PACRG: variants seen among roughly 807,000 people sequenced by gnomAD.
PACRG encodes parkin coregulated gene protein.
In PACRG, 29 loss-of-function variants were observed where a neutral mutation model predicts 29.7. The ratio of observed to expected loss-of-function variants is 0.98; its 90% confidence interval spans 0.73 to 1.33. PACRG has a LOEUF of 1.33. Ranked by LOEUF, PACRG falls within the 40% of genes most tolerant of loss-of-function variation. PACRG has a pLI of 0.00. For synonymous variants in PACRG, 116 were observed against 118.7 expected, an observed-to-expected ratio of 0.98 and a Z score of 0.15; for missense variants, 279 against 316.2, an observed-to-expected ratio of 0.88 and a Z score of 0.89.
chr6:162,751,052 G>A (rs1172188043), intron 1 of PACRG, among the ~76,000 whole-genome samples: 2 of 152,138 alleles, frequency 1.3e-5, no homozygotes, highest in Non-Finnish European at 2.9e-5. Flanking sequence ...ATAAGGAAGA[G>A]TCCTTCTCCT....
chr6:163,298,986 G>C (rs570894671), intron 4 of PACRG, among the ~76,000 whole-genome samples: 17 of 152,194 alleles, frequency 1.1e-4, no homozygotes, highest in Non-Finnish European at 2.4e-4. Context: ...TCACCTTTCC[G>C]TTCCTTGCCA....
At chr6:162,809,017 T>G (rs1005423378) in intron 1 of PACRG, among the ~76,000 whole-genome samples, 4 of 152,210 alleles carry the variant, frequency 2.6e-5, no homozygotes, top group Non-Finnish European at 5.9e-5. Context: ...ATATTTCGCT[T>G]GATTTTTTTT....
intron 4 of PACRG, among the ~76,000 whole-genome samples, chr6:163,092,038 TAAACTC>T (rs1330391879): frequency 1.3e-5 from 2 of 152,210 alleles, no homozygotes; most frequent in Non-Finnish European, 2.9e-5. Context: ...AATGTCTTGT[TAAACTC>T]AGATTCAAAA....
At chr6:163,126,103 G>A (rs1816503789) in intron 4 of PACRG, among the ~76,000 whole-genome samples, 1 of 152,184 alleles carries the variant, frequency 6.6e-6, no homozygotes, top group African/African-American at 2.4e-5. Flanking sequence ...AACAGCATAG[G>A]AAAAAGATTG....
chr6:163,067,044 C>T (rs530217159), intron 3 of PACRG, among the ~76,000 whole-genome samples: 8 of 152,344 alleles, frequency 5.3e-5, no homozygotes, highest in African/African-American at 1.9e-4. Flanking sequence ...GACTTCTTGA[C>T]TGAGAGCTAA....
At chr6:163,095,034 T>C (rs1445840134) in intron 4 of PACRG, among the ~76,000 whole-genome samples, 3 of 152,222 alleles carry the variant, frequency 2.0e-5, no homozygotes, top group Middle Eastern at 6.8e-3. Flanking sequence ...GAGGACTCAT[T>C]TCTACAGAAA....
At chr6:163,155,416 C>T (rs9365540) in intron 4 of PACRG, among the ~76,000 whole-genome samples, 4 of 152,118 alleles carry the variant, frequency 2.6e-5, no homozygotes, top group African/African-American at 7.2e-5. Flanking sequence ...AGGTATGGGA[C>T]GCTGGGGAGA....
At chr6:163,140,849 C>T (rs185043974) in intron 4 of PACRG, among the ~76,000 whole-genome samples, 14 of 151,982 alleles carry the variant, frequency 9.2e-5, no homozygotes, top group Admixed American at 3.9e-4. Context: ...CAAGAGCAGA[C>T]GAATCTGAAG....
chr6:162,891,753 A>G lies in PACRG; in HGVS notation c.291+77472A>G, dbSNP rs537192615. Among the ~76,000 whole-genome samples, 124 of 152,204 alleles carry G rather than the reference A, an allele frequency of 8.1e-4. 1 individual carries two copies. The highest frequency in any genetic ancestry group is 2.7e-3 in the African/African-American group (113 of 41,536). On this transcript the variant is annotated intron_variant, in intron 2 of 4. Transcript: ENST00000366888. The stretch of plus-strand genomic sequence containing the variant: ...GACCATGGAAACAAATCATGCATGG[A>G]ACCATGTGGGTCACTCAGGTACAAG...
chr6:163,241,849 A>G (rs1199924312), intron 4 of PACRG, among the ~76,000 whole-genome samples: 2 of 152,212 alleles, frequency 1.3e-5, no homozygotes, highest in African/African-American at 4.8e-5. Flanking sequence ...GGGATGGAAC[A>G]GATGAATCCA....
chr6:162,917,328 C>T (rs899498607), intron 2 of PACRG, among the ~76,000 whole-genome samples: 1 of 152,120 alleles, frequency 6.6e-6, no homozygotes, highest in African/African-American at 2.4e-5. Context: ...AGCAATATGG[C>T]CATCCTTAGT....
intron 4 of PACRG, among the ~76,000 whole-genome samples, chr6:163,305,842 T>C (rs549102134): frequency 6.6e-6 from 1 of 152,326 alleles, no homozygotes; most frequent in African/African-American, 2.4e-5. Flanking sequence ...GTGGCTACAG[T>C]ATCTCCCCAT....
Position 163,143,118 on chromosome 6 carries a change from A to G in PACRG, c.613+53710A>G, listed in dbSNP as rs546078898. ...TTTGACAAATACAAGATTTAATACAAGATATTAACATTGGAGAAACTGGGT... is the reference window on the plus strand; with the variant it reads ...TTTGACAAATACAAGATTTAATACAGGATATTAACATTGGAGAAACTGGGT... On this transcript the variant is annotated intron_variant, in intron 4 of 4. Transcript: ENST00000366888. Among the ~76,000 whole-genome samples the G allele has an allele frequency of 5.3e-5, 8 of 152,314 alleles. No homozygotes were observed. In the South Asian group the frequency reaches 1.7e-3, roughly 32 times the overall value.
intron 1 of PACRG, among the ~76,000 whole-genome samples, chr6:162,747,333 T>G (rs1165388589): frequency 1.6e-5 from 1 of 64,166 alleles, no homozygotes; most frequent in African/African-American, 9.9e-5. Flanking sequence ...CTCATATATA[T>G]ATATATATAT....
rs139563142 is a variant in PACRG, at chr6:163,203,413, A to AAAAC, written c.614-111398_614-111395dup. On this transcript the variant is annotated intron_variant, in intron 4 of 4. Coordinates refer to ENST00000366888, the MANE Select transcript of PACRG (RefSeq NM_001080379.2). ...GGCGACAGAGCGAGATTCCGTCTCA[A>AAAAC]AAACAAACAAACAAACAAAAAAACC... 8.0e-3 allele frequency among the ~76,000 whole-genome samples: 1,217 copies of AAAAC among 152,272 alleles called. 15 individuals are homozygous for AAAAC. The highest frequency in any genetic ancestry group is 0.028 in the African/African-American group (1,157 of 41,526).
chr6:163,215,174 G>A (rs888605490), intron 4 of PACRG, among the ~76,000 whole-genome samples: 1 of 151,280 alleles, frequency 6.6e-6, no homozygotes, highest in Non-Finnish European at 1.5e-5. Flanking sequence ...AAAGATTTTT[G>A]TAATATTCAA....
intron 2 of PACRG, among the ~76,000 whole-genome samples, chr6:163,005,986 C>T (rs1805051892): frequency 2.8e-5 from 4 of 140,536 alleles, no homozygotes; most frequent in Admixed American, 1.4e-4. Flanking sequence ...AACAGTTATA[C>T]ATGTTCTGTG....
chr6:163,018,795 T>C (rs1311970630), intron 2 of PACRG, among the ~76,000 whole-genome samples: 8 of 46,732 alleles, frequency 1.7e-4, no homozygotes, highest in Non-Finnish European at 2.6e-4. Context: ...AGCACTATTC[T>C]GTTCCGTTGC....
chr6:163,143,117 A>G (rs1777621791), intron 4 of PACRG, among the ~76,000 whole-genome samples: 1 of 152,166 alleles, frequency 6.6e-6, no homozygotes, highest in African/African-American at 2.4e-5. Context: ...GATTTAATAC[A>G]AGATATTAAC....
Sources: gnomAD v4.1 joint callset for allele counts (sites outside exome capture counted in the v4.1 genomes callset) on GRCh38, gnomAD v4.1.1 for gene constraint, MANE v1.5 for transcripts, NCBI Gene and HGNC (gene_info 2026-07-23, HGNC 2026-07-21) for gene names.